ADGRB3: variants seen among roughly 807,000 people sequenced by gnomAD.
ADGRB3 encodes adhesion G protein-coupled receptor B3.
ADGRB3 carries 37 observed loss-of-function variants against 193.4 expected under a neutral mutation model. The observed-to-expected ratio is 0.19, with a 90% CI of 0.15 to 0.25. ADGRB3 has a LOEUF of 0.25. ADGRB3 is among the 10% of genes least tolerant of loss of function. The probability of loss-of-function intolerance (pLI) is 1.00; values close to 1 mark genes in which losing one functional copy is unlikely to be tolerated. For synonymous variants in ADGRB3, 690 were observed against 644.2 expected, an observed-to-expected ratio of 1.07 and a Z score of -1.08; for missense variants, 1,637 against 1,852.9, an observed-to-expected ratio of 0.88 and a Z score of 2.14.
intron 20 of ADGRB3, among the ~76,000 whole-genome samples, chr6:69,277,750 T>C (rs1002150459): frequency 8.5e-5 from 13 of 152,166 alleles, no homozygotes; most frequent in African/African-American, 2.7e-4. Flanking sequence ...ACAAGCCCAG[T>C]AGTATAGTTC....
rs920730083 is a variant in ADGRB3 at position 69,305,354 on chromosome 6, G to A, written c.2815-19518G>A. Among the ~76,000 whole-genome samples, 7 of 151,430 alleles carry A rather than the reference G, an allele frequency of 4.6e-5. 1 individual carries two copies. The highest frequency in any genetic ancestry group is 9.7e-5 in the African/African-American group (4 of 41,062). The stretch of plus-strand genomic sequence containing the variant: ...TATTACTCACAGTGATTATTATTGT[G>A]TGACAAAATATACTTTTTTGGCTAA... On this transcript the variant is annotated intron_variant, in intron 20 of 31. Coordinates refer to ENST00000370598, the MANE Select transcript of ADGRB3 (RefSeq NM_001704.3).
At chr6:68,726,867 A>T (rs1456643924) in intron 3 of ADGRB3, among the ~76,000 whole-genome samples, 3 of 151,434 alleles carry the variant, frequency 2.0e-5, no homozygotes, top group Non-Finnish European at 4.4e-5. Context: ...TCTAACCCCA[A>T]CTGTGATATA....
In ADGRB3 at chr6:69,348,529, G is replaced by T. The variant is rs111738808; in HGVS notation, c.3460-5704G>T. ...AAAAAAAAAATTAGCCGGGCATGGT[G>T]GCAGGCGCCTGTAGTCCCAGCTACT... On this transcript the variant is annotated intron_variant, in intron 26 of 31. Transcript: ENST00000370598. Among the ~76,000 whole-genome samples, 1,042 of 151,748 alleles carry T rather than the reference G, an allele frequency of 6.9e-3. 13 individuals carry two copies. Among genetic ancestry groups the T allele is most frequent in the African/African-American group, 0.022 (893 of 41,298 alleles).
At chr6:69,072,452 T>G (rs1772102840) in intron 16 of ADGRB3, among the ~76,000 whole-genome samples, 1 of 152,188 alleles carries the variant, frequency 6.6e-6, no homozygotes, top group Non-Finnish European at 1.5e-5. Flanking sequence ...TGAAACCTTT[T>G]TTGAAGAATA....
chr6:68,911,418 T>TA (rs1766707020), intron 3 of ADGRB3, among the ~76,000 whole-genome samples: 1 of 128,138 alleles, frequency 7.8e-6, no homozygotes, highest in Non-Finnish European at 1.6e-5. Context: ...AAAGTATAAT[T>TA]TAAAAAAAAA....
intron 15 of ADGRB3, among the ~76,000 whole-genome samples, chr6:69,061,442 G>T (rs1365879250): frequency 6.6e-6 from 1 of 151,872 alleles, no homozygotes; most frequent in Non-Finnish European, 1.5e-5. Flanking sequence ...TGACTTAAAT[G>T]GTACAATCAC....
intron 3 of ADGRB3, among the ~76,000 whole-genome samples, chr6:68,708,316 C>T (rs115084831): frequency 6.2e-4 from 95 of 152,260 alleles, no homozygotes; most frequent in African/African-American, 2.0e-3. Flanking sequence ...ATGTCCAGAA[C>T]ATTTTCTTCT....
chr6:68,851,881 G>A (rs761393493), intron 3 of ADGRB3, among the ~76,000 whole-genome samples: 9 of 151,790 alleles, frequency 5.9e-5, no homozygotes, highest in Non-Finnish European at 1.0e-4. Context: ...TAAAGATATA[G>A]ATTTCACGGA....
intron 30 of ADGRB3, among the ~76,000 whole-genome samples, chr6:69,375,386 A>G (rs1769794332): frequency 6.6e-6 from 1 of 152,052 alleles, no homozygotes; most frequent in Non-Finnish European, 1.5e-5. Flanking sequence ...TGGTAGGAAG[A>G]GAAAGCAAAG....
intron 11 of ADGRB3, among the ~76,000 whole-genome samples, chr6:69,005,485 T>TAGGG (rs371800924): frequency 3.9e-5 from 6 of 152,166 alleles, no homozygotes; most frequent in African/African-American, 1.2e-4. Flanking sequence ...ACAATGTTCT[T>TAGGG]ACGCAGTTTT....
At chr6:69,020,689 T>C (rs955159435) in intron 13 of ADGRB3, among the ~76,000 whole-genome samples, 18 of 152,012 alleles carry the variant, frequency 1.2e-4, no homozygotes, top group African/African-American at 4.3e-4. Flanking sequence ...TTAAAAGTTA[T>C]GTTCTGTGAG....
chr6:68,947,281 T>C (rs1331788172), intron 6 of ADGRB3, among the ~76,000 whole-genome samples: 1 of 152,130 alleles, frequency 6.6e-6, no homozygotes, highest in Non-Finnish European at 1.5e-5. Context: ...GTTTTACTTA[T>C]CTCACCAAAG....
chr6:69,040,392 T>TTTCTTTCTTTCTTTCC lies in ADGRB3; in HGVS notation c.2108-7790_2108-7789insTTTCTTTCTTTCCTTC, dbSNP rs1562133338. Among the ~76,000 whole-genome samples, 4 of 147,302 alleles carry TTTCTTTCTTTCTTTCC rather than the reference T, an allele frequency of 2.7e-5. 1 individual carries two copies. In the East Asian group the frequency reaches 8.1e-4, roughly 30 times the overall value. On this transcript the variant is annotated intron_variant, in intron 13 of 31. Transcript: ENST00000370598. ...TTCTTTCTTTCCTTCTCTCTCTTTC[T>TTTCTTTCTTTCTTTCC]TTCCTTCACGCAGGTGACTCCATTT...
chr6:68,736,422 TG>T (rs1486534109), intron 3 of ADGRB3, among the ~76,000 whole-genome samples: 2 of 152,202 alleles, frequency 1.3e-5, no homozygotes, highest in East Asian at 3.9e-4. Flanking sequence ...TATCTGCAAT[TG>T]CTGATGTCAG....
rs73480157 is a variant in ADGRB3 at position 68,940,487 on chromosome 6, A to G, written c.1031-3343A>G. 9.0e-3 allele frequency among the ~76,000 whole-genome samples: 1,187 copies of G among 131,720 alleles called. 12 individuals are homozygous for G. The highest frequency in any genetic ancestry group is 0.029 in the African/African-American group (1,018 of 34,680). The allele number at this position is 131,720 out of a possible 152,430, so 86.4% of individuals were successfully genotyped here. A position where few individuals can be genotyped will look rare whatever the true frequency, so the allele number is the denominator to read the frequency against. ...GCCACTGGCTGAGAGCCACTGGTGT[A>G]CTCTTTATGTACTTTAATCCTGTAG... On this transcript the variant is annotated intron_variant, in intron 5 of 31. Transcript: ENST00000370598.
intron 3 of ADGRB3, among the ~76,000 whole-genome samples, chr6:68,779,021 A>T (rs1006677746): frequency 1.1e-4 from 16 of 151,972 alleles, no homozygotes; most frequent in Non-Finnish European, 1.8e-4. Context: ...ACTTGGCAAG[A>T]AGAAATCACC....
At chr6:69,041,623 A>AT (rs10638407) in intron 13 of ADGRB3, among the ~76,000 whole-genome samples, 27,308 of 150,840 alleles carry the variant, frequency 0.18, 2,586 homozygotes, top group Middle Eastern at 0.26. Context: ...GCTCGTAGGA[A>AT]TTTTTTTTTT....
intron 3 of ADGRB3, among the ~76,000 whole-genome samples, chr6:68,788,185 G>T (rs1178725079): frequency 2.6e-5 from 4 of 151,882 alleles, no homozygotes; most frequent in African/African-American, 9.7e-5. Context: ...ATTATTTCTT[G>T]CCTTCTGCTA....
At chr6:68,794,727 G>C (rs1194083838) in intron 3 of ADGRB3, among the ~76,000 whole-genome samples, 2 of 152,072 alleles carry the variant, frequency 1.3e-5, no homozygotes, top group Non-Finnish European at 2.9e-5. Flanking sequence ...GACAGAATCA[G>C]GGTTTTGAAA....
Sources: gnomAD v4.1 joint callset for allele counts (sites outside exome capture counted in the v4.1 genomes callset) on GRCh38, gnomAD v4.1.1 for gene constraint, MANE v1.5 for transcripts, NCBI Gene and HGNC (gene_info 2026-07-23, HGNC 2026-07-21) for gene names.